Variants in GLB1 observed in about 807,000 individuals in gnomAD.
GLB1 encodes galactosidase beta 1.
A neutral mutation model predicts 74.0 loss-of-function variants in GLB1; 56 were observed. That is an observed-to-expected ratio of 0.76 (90% confidence interval 0.61 to 0.94). GLB1 has a LOEUF of 0.94. Among genes scored for constraint, GLB1 ranks in the 40% least tolerant of loss-of-function variants. GLB1 has a pLI of 0.00. For synonymous variants in GLB1, 323 were observed against 323.6 expected, an observed-to-expected ratio of 1.00 and a Z score of 0.02; for missense variants, 787 against 845.5, an observed-to-expected ratio of 0.93 and a Z score of 0.86.
At chr3:33,068,558 G>A (rs911865109) in intron 3 of GLB1, among the ~76,000 whole-genome samples, 2 of 152,096 alleles carry the variant, frequency 1.3e-5, no homozygotes, top group Non-Finnish European at 2.9e-5. Context: ...ACCCTGTGAC[G>A]TAGATAGAGA....
chr3:33,067,609 T>C (rs1041028601), intron 4 of GLB1, among the ~76,000 whole-genome samples: 9 of 152,288 alleles, frequency 5.9e-5, no homozygotes, highest in Non-Finnish European at 1.0e-4. Flanking sequence ...GGTGCTATCA[T>C]TGGCTGTGGA....
intron 1 of GLB1, among the ~76,000 whole-genome samples, chr3:33,073,610 C>G (rs1343457921): frequency 3.3e-5 from 5 of 152,090 alleles, no homozygotes. Context: ...ATCGCTTGAA[C>G]CCGGGAAGCG....
At chr3:32,978,145 C>G in the GLB1 span, among the ~76,000 whole-genome samples, 1 of 152,166 alleles carries the variant, frequency 6.6e-6, no homozygotes, top group African/African-American at 2.4e-5. Context: ...GTCACCAAAA[C>G]AGGAAAATGC....
chr3:32,997,184 T>C lies in GLB1; in HGVS notation c.1895A>G (p.Glu632Gly). 1 of 1,614,132 alleles carries C rather than the reference T, an allele frequency of 6.2e-7. No homozygotes were observed. Among genetic ancestry groups the C allele is most frequent in the Non-Finnish European group, 8.5e-7 (1 of 1,180,010 alleles). The change falls in exon 16 of 16, where the codon GAA becomes GGA. Residue 632 changes from glutamate to glycine, a missense_variant. Physicochemically the swap from Glu to Gly is moderately conservative, Grantham distance 98. Transcript: ENST00000307363. ...EWAPCSSDDP[E>G]LCAVTFVDRP... The stretch of plus-strand genomic sequence containing the variant: ...GTCCACGAACGTCACAGCACATAGT[T>C]CTGGATCATCACTGCTGCAGGGTGC...
At chr3:33,052,557 G>GCTT (rs1699040163) in intron 7 of GLB1, 1 of 164,312 alleles carries the variant, frequency 6.1e-6, no homozygotes, top group East Asian at 1.7e-4. Context: ...CTTGAACCCG[G>GCTT]GAGGTGGAGA....
chr3:32,968,922 C>G, the GLB1 span, among the ~76,000 whole-genome samples: 1 of 152,232 alleles, frequency 6.6e-6, no homozygotes, highest in Non-Finnish European at 1.5e-5. Context: ...TGTTTTAAAG[C>G]ACTAGCTGCC....
chr3:33,048,785 C>T (rs1337363560), intron 9 of GLB1, among the ~76,000 whole-genome samples: 1 of 152,150 alleles, frequency 6.6e-6, no homozygotes, highest in Non-Finnish European at 1.5e-5. Context: ...GTGACTCTGG[C>T]TCACCACCAC....
intron 9 of GLB1, among the ~76,000 whole-genome samples, chr3:33,046,792 T>C (rs1439375570): frequency 6.6e-6 from 1 of 152,140 alleles, no homozygotes; most frequent in African/African-American, 2.4e-5. Flanking sequence ...TCCGAGGGCC[T>C]TTGTTGCATC....
intron 15 of GLB1, among the ~76,000 whole-genome samples, chr3:33,012,242 T>A (rs1006966161): frequency 3.3e-5 from 5 of 152,084 alleles, no homozygotes; most frequent in Admixed American, 3.3e-4. Context: ...CCAACAACCC[T>A]CCTCCAATAC....
the GLB1 span, among the ~76,000 whole-genome samples, chr3:32,980,641 C>T: frequency 6.6e-6 from 1 of 152,050 alleles, no homozygotes; most frequent in East Asian, 1.9e-4. Flanking sequence ...ATTAGCCAGG[C>T]ATGGTGGCGT....
At chr3:33,004,487 G>C (rs923596600) in intron 15 of GLB1, among the ~76,000 whole-genome samples, 1 of 152,202 alleles carries the variant, frequency 6.6e-6, no homozygotes, top group Admixed American at 6.5e-5. Context: ...AGGAAAGTGA[G>C]TGACGTTTAA....
chr3:33,095,846 G>A (rs1288029810), intron 1 of GLB1, among the ~76,000 whole-genome samples: 1 of 152,180 alleles, frequency 6.6e-6, no homozygotes, highest in Non-Finnish European at 1.5e-5. Context: ...TGACTCCTAA[G>A]GTCCTACGGG....
At chr3:32,978,848 C>T in the GLB1 span, among the ~76,000 whole-genome samples, 9 of 149,598 alleles carry the variant, frequency 6.0e-5, no homozygotes, top group South Asian at 1.1e-3. Flanking sequence ...GCAACCCCCA[C>T]GTCTCGGTTC....
chr3:33,068,952 A>G lies in GLB1; in HGVS notation c.264T>C (p.Phe88=), dbSNP rs1699794990. The G allele has an allele frequency of 6.2e-7, 1 of 1,614,186 alleles. No homozygotes were observed. The highest frequency in any genetic ancestry group is 8.5e-7 in the Non-Finnish European group (1 of 1,180,024). ...GGTACTGTCCTGGCCAGGGCTCATG[A>G]AAGTTCCAGGGCACATACCTGCCAA... is the stretch of plus-strand genomic sequence containing the variant. ...NAIQTYVPWN[F]HEPWPGQYQF... Residue 88 remains phenylalanine, a synonymous_variant, in exon 3 of 16, where the codon TTT becomes TTC. Coordinates refer to ENST00000307363, the MANE Select transcript of GLB1 (RefSeq NM_000404.4).
chr3:32,974,801 C>T, the GLB1 span, among the ~76,000 whole-genome samples: 5 of 152,194 alleles, frequency 3.3e-5, no homozygotes, highest in African/African-American at 1.2e-4. Flanking sequence ...TCTATTCAGA[C>T]TCTCAATTAA....
rs1169364749 is a variant in GLB1 at position 33,093,551 on chromosome 3, A to G, written c.75+3460T>C. On this transcript the variant is annotated intron_variant, in intron 1 of 15. Transcript: ENST00000307363. This position sits in a 1 kb window ranked among gnomAD's most constrained non-coding sequence, Gnocchi z 6.0. The stretch of plus-strand genomic sequence containing the variant: ...TCCTGCCCACTGTGGGGCCCAAGTG[A>G]ATGTCTGAGAGGAGCACGATCTTGA... 2 of 1,614,044 alleles carry G rather than the reference A, an allele frequency of 1.2e-6. No individual in the cohort carries two copies. Among genetic ancestry groups the G allele is most frequent in the African/African-American group, 2.7e-5 (2 of 74,920 alleles).
At position 32,996,980 on chromosome 3, in the gene GLB1, C is replaced by A. The variant is rs1443457770; in HGVS notation, c.*65G>T. On this transcript the variant is annotated 3_prime_UTR_variant, in exon 16 of 16. Transcript: ENST00000307363. Reference sequence around the variant, plus strand: ...CCACATTCCAATCAGTGAAATGTGGCATGACAGGGAGGATCTGTGAGGTAT... The same window carrying A: ...CCACATTCCAATCAGTGAAATGTGGAATGACAGGGAGGATCTGTGAGGTAT... The A allele has an allele frequency of 6.2e-7, 1 of 1,612,680 alleles. No homozygotes were observed. The highest frequency in any genetic ancestry group is 1.3e-5 in the African/African-American group (1 of 74,844).
chr3:33,024,480 C>A (rs756702555), intron 10 of GLB1, 155 bp from the exon 11 acceptor site: 2 of 768,242 alleles, frequency 2.6e-6, no homozygotes, highest in Non-Finnish European at 4.1e-6. Context: ...TCTTCCAAAG[C>A]AGGATCTGGT....
At chr3:33,068,323 T>C (rs745749171) in intron 3 of GLB1, 33 bp from the exon 4 acceptor site, 5 of 1,613,814 alleles carry the variant, frequency 3.1e-6, no homozygotes, top group Non-Finnish European at 4.2e-6. Flanking sequence ...TTATAATGTC[T>C]GTTCCGTGAA....
Sources: gnomAD v4.1 joint callset for allele counts (sites outside exome capture counted in the v4.1 genomes callset) on GRCh38, gnomAD v4.1.1 for gene constraint, Gnocchi (gnomAD v3.1) non-coding constraint, MANE v1.5 for transcripts, NCBI Gene and HGNC (gene_info 2026-07-23, HGNC 2026-07-21) for gene names.